The following DNAH3 variants were observed in gnomAD, a reference collection of about 807,000 sequenced individuals.
DNAH3 encodes the protein axonemal beta dynein heavy chain 3.
In DNAH3, 332 loss-of-function variants were observed where a neutral mutation model predicts 432.5. The ratio of observed to expected loss-of-function variants is 0.77; its 90% CI spans 0.70 to 0.84. DNAH3 has a LOEUF of 0.84. Ranked by LOEUF, DNAH3 falls within the 40% of genes least tolerant of loss-of-function variation. The probability of loss-of-function intolerance (pLI) is 0.00; values close to 1 mark genes in which losing one functional copy is unlikely to be tolerated. For missense variants in DNAH3, 4,861 were observed against 5,114.0 expected, an observed-to-expected ratio of 0.95 and a Z score of 1.51; for synonymous variants, 1,956 against 1,900.2, an observed-to-expected ratio of 1.03 and a Z score of -0.76.
chr16:20,988,149 G>C, intron 44 of DNAH3, 84 bp from the exon 45 acceptor site: 1 of 1,560,334 alleles, frequency 6.4e-7, no homozygotes, highest in Non-Finnish European at 8.7e-7. Context: ...ACACGAGGTG[G>C]CTTTGCCTTC....
At chr16:20,982,766 T>G in exon 49 of DNAH3, 1 of 1,614,158 alleles carries the variant, frequency 6.2e-7, no homozygotes, top group Non-Finnish European at 8.5e-7. Flanking sequence ...TAGAAATTTG[T>G]TAGCCACCAA....
At chr16:21,110,776 C>G (rs2092051682) in intron 14 of DNAH3, among the ~76,000 whole-genome samples, 1 of 152,056 alleles carries the variant, frequency 6.6e-6, no homozygotes. Flanking sequence ...GAGGTTGAGG[C>G]AGGGGGATCA....
exon 53 of DNAH3, chr16:20,963,968 A>G (rs764559347): frequency 2.5e-6 from 4 of 1,614,202 alleles, no homozygotes; most frequent in Non-Finnish European, 3.4e-6. Flanking sequence ...GAGATACAAA[A>G]GAAGATGGTG....
In DNAH3 at chr16:20,964,439, G is replaced by A. The variant is rs563845627; in HGVS notation, c.9445C>T (p.Gln3149Ter). The change falls in exon 53 of 62, where the codon CAG becomes TAG. Residue 3149 changes from glutamine (Q) to a stop codon, truncating the protein, a stop_gained. Transcript: ENST00000261383. LOFTEE classifies it high-confidence loss of function. ...AGCCTCATGTACTCAACTCCTTGCT[G>A]TTTGAATGTTGCCTTGAGCAAGATA... 6.2e-7 allele frequency: 1 copy of A among 1,614,182 alleles called. No individual in the cohort carries two copies. The highest frequency in any genetic ancestry group is 2.2e-5 in the East Asian group (1 of 44,884).
intron 10 of DNAH3, chr16:21,121,153 C>T: frequency 4.1e-6 from 2 of 490,334 alleles, no homozygotes; most frequent in Non-Finnish European, 7.7e-6. Context: ...CAAGACCCCA[C>T]AGATCCCTTC....
chr16:21,159,157 A>AC (rs1402557281), intron 1 of DNAH3, among the ~76,000 whole-genome samples: 1 of 151,270 alleles, frequency 6.6e-6, no homozygotes, highest in African/African-American at 2.4e-5. Context: ...CTTCCTCACC[A>AC]CCCAGCCCCT....
In DNAH3 at chr16:21,075,566, A is replaced by G. The variant is rs2152767395; in HGVS notation, c.2970-5T>C. 6.2e-7 allele frequency: 1 copy of G among 1,607,300 alleles called. No individual in the cohort carries two copies. The highest frequency in any genetic ancestry group is 2.2e-5 in the East Asian group (1 of 44,832). On this transcript the variant is annotated splice_region_variant and splice_polypyrimidine_tract_variant and intron_variant, in intron 20 of 61. Transcript: ENST00000261383. Reference sequence around the variant, plus strand: ...GCTGCACCAATGGGCTCCAATCTAAAGAGAGAACACAGCAACAGCAACATC... The same window carrying G: ...GCTGCACCAATGGGCTCCAATCTAAGGAGAGAACACAGCAACAGCAACATC...
chr16:20,988,252 T>C (rs372995673), intron 44 of DNAH3, among the ~76,000 whole-genome samples, 187 bp from the exon 45 acceptor site: 14 of 152,210 alleles, frequency 9.2e-5, no homozygotes, highest in African/African-American at 2.9e-4. Flanking sequence ...TTAAATAACA[T>C]TAAAAATGCT....
chr16:20,967,983 T>G (rs918835940), intron 52 of DNAH3, among the ~76,000 whole-genome samples: 1 of 152,208 alleles, frequency 6.6e-6, no homozygotes, highest in Non-Finnish European at 1.5e-5. Context: ...TTGCCTCTGC[T>G]TTATGTGAGT....
chr16:21,070,706 T>C lies in DNAH3; in HGVS notation c.3201+4A>G, dbSNP rs2090749519. ...TCAAAGCATTCAACTTCATTTCCTC[T>C]TACCCGGCATTCTGCTTCTATTGGT... On this transcript the variant is annotated splice_donor_region_variant and intron_variant, in intron 22 of 61. Transcript: ENST00000261383. 1 of 1,593,716 alleles carries C rather than the reference T, an allele frequency of 6.3e-7. No homozygotes were observed. Among genetic ancestry groups the C allele is most frequent in the East Asian group, 2.2e-5 (1 of 44,758 alleles).
At chr16:21,082,604 C>A (rs1218589581) in intron 19 of DNAH3, among the ~76,000 whole-genome samples, 1 of 151,834 alleles carries the variant, frequency 6.6e-6, no homozygotes, top group Non-Finnish European at 1.5e-5. Context: ...CTGAGGCGGG[C>A]GGATCACTTG....
rs1437520191 is a variant in DNAH3, at chr16:21,001,911, T to C, written c.6126+1193A>G. 3.3e-5 allele frequency among the ~76,000 whole-genome samples: 5 copies of C among 152,358 alleles called. No homozygotes were observed. The East Asian group carries it at 9.6e-4, about 29-fold the overall frequency. ...AGGGAAAAATCTCCAGAACTGAAGA[T>C]ATTTTCTTCATTGGACTCTTTTACT... On this transcript the variant is annotated intron_variant, in intron 42 of 61. Coordinates refer to ENST00000261383, the Ensembl canonical transcript of DNAH3.
chr16:21,140,015 C>G (rs1462524486), intron 5 of DNAH3, among the ~76,000 whole-genome samples: 1 of 148,204 alleles, frequency 6.7e-6, no homozygotes, highest in East Asian at 2.0e-4. Context: ...GAACTCCTGA[C>G]CTCAAGTGAT....
chr16:21,000,010 AAAGG>A (rs1262138499), intron 43 of DNAH3, among the ~76,000 whole-genome samples: 1 of 150,998 alleles, frequency 6.6e-6, no homozygotes, highest in Non-Finnish European at 1.5e-5. Flanking sequence ...AGGAAGGAGA[AAAGG>A]AGGGAAGAAG....
chr16:21,033,404 G>A lies in DNAH3; in HGVS notation c.5197+570C>T, dbSNP rs1323155641. Among the ~76,000 whole-genome samples, 5 of 152,288 alleles carry A rather than the reference G, an allele frequency of 3.3e-5. No homozygotes were observed. In the East Asian group the frequency reaches 5.8e-4, roughly 18 times the overall value. On this transcript the variant is annotated intron_variant, in intron 36 of 61. Transcript: ENST00000261383. ...AGTTTCCATTTGTTGCGTAGGCACT[G>A]TGCTCAGTTATTTACCTGCATGCTG...
chr16:21,078,200 G>A lies in DNAH3; in HGVS notation c.2970-2639C>T, dbSNP rs768878131. Among the ~76,000 whole-genome samples, 8 of 151,332 alleles carry A rather than the reference G, an allele frequency of 5.3e-5. No homozygotes were observed. In the East Asian group the frequency reaches 5.8e-4, roughly 11 times the overall value. On this transcript the variant is annotated intron_variant, in intron 20 of 61. Coordinates refer to ENST00000261383, the Ensembl canonical transcript of DNAH3. ...TGAGGCAGGAAAATCGCTTGAACCC[G>A]GGAGGTGAAGGTTGCATTGAGCCAA...
exon 53 of DNAH3, chr16:20,964,247 C>T (rs2084950217): frequency 1.2e-6 from 2 of 1,614,176 alleles, no homozygotes; most frequent in East Asian, 4.5e-5. Context: ...TCTGGCTTCT[C>T]CTTCGCAGCC....
chr16:20,989,694 G>C (rs556039681), intron 44 of DNAH3, among the ~76,000 whole-genome samples: 1 of 152,372 alleles, frequency 6.6e-6, no homozygotes, highest in South Asian at 2.1e-4. Context: ...GGAGCAGGGG[G>C]TGGTGCTCGT....
At position 20,954,807 on chromosome 16, in the gene DNAH3, G is replaced by A. The variant is rs766140325; in HGVS notation, c.11071+6C>T. The A allele has an allele frequency of 3.7e-6, 6 of 1,613,440 alleles. No homozygotes were observed. Among genetic ancestry groups the A allele is most frequent in the East Asian group, 2.2e-5 (1 of 44,878 alleles). ...CAGGCCACTCAGGTGCACTGTCATC[G>A]CTTACCTAGGGGGCCGAAGTTTCTT... On this transcript the variant is annotated splice_donor_region_variant and intron_variant, in intron 55 of 61. Transcript: ENST00000261383.
Sources: allele counts gnomAD v4.1 joint callset (sites outside exome capture counted in the v4.1 genomes callset), GRCh38; gene constraint gnomAD v4.1.1; transcripts MANE v1.5; gene names NCBI Gene and HGNC (gene_info 2026-07-23, HGNC 2026-07-21).